MYLK4: variants seen among roughly 807,000 people sequenced by gnomAD.
MYLK4 encodes the protein caMLCK like.
A neutral mutation model predicts 48.1 loss-of-function variants in MYLK4; 46 were observed. The ratio of observed to expected loss-of-function variants is 0.96; its 90% confidence interval spans 0.75 to 1.22. MYLK4 has a LOEUF of 1.22. Ranked by LOEUF, MYLK4 falls within the 50% of genes most tolerant of loss-of-function variation. The pLI is 0.00. For synonymous variants in MYLK4, 170 were observed against 180.8 expected (o/e 0.94, Z 0.48); for missense variants, 451 against 486.1 (o/e 0.93, Z 0.68).
At chr6:2,726,305 G>A (rs569780180) in intron 2 of MYLK4, among the ~76,000 whole-genome samples, 2 of 152,356 alleles carry the variant, frequency 1.3e-5, no homozygotes, top group South Asian at 4.1e-4. Context: ...TGTAGTAGGT[G>A]AGAGGAGAGA....
intron 2 of MYLK4, among the ~76,000 whole-genome samples, chr6:2,709,107 T>C (rs1313237880): frequency 6.6e-6 from 1 of 152,216 alleles, no homozygotes; most frequent in African/African-American, 2.4e-5. Context: ...TCTCATCTAC[T>C]GTCTACTAGT....
At chr6:2,681,399 AG>A (rs1761294769) in intron 7 of MYLK4, among the ~76,000 whole-genome samples, 1 of 152,202 alleles carries the variant, frequency 6.6e-6, no homozygotes, top group Admixed American at 6.5e-5. Context: ...TGTGAGTAAA[AG>A]TCATTATAGA....
rs566422105 is a variant in MYLK4, at chr6:2,739,058, G to A, written c.159+10078C>T. Among the ~76,000 whole-genome samples the A allele has an allele frequency of 1.4e-4, 21 of 152,304 alleles. No individual in the cohort carries two copies. The South Asian group carries it at 3.1e-3, about 23-fold the overall frequency. ...CACCTGTTTCATATGTTGGGCAAGC[G>A]AATGCATTCAAAGATCAGATGGTAT... On this transcript the variant is annotated intron_variant, in intron 2 of 12. Coordinates refer to ENST00000274643, the MANE Select transcript of MYLK4 (RefSeq NM_001012418.5).
rs1174512148 is a variant in MYLK4 at position 2,686,901 on chromosome 6, C to T, written c.342-1325G>A. ...GTTTCTCCCCTTCACTAGCAATGGC[C>T]GCAGAACCTCCTGAGCCAGCAGTGG... On this transcript the variant is annotated intron_variant, in intron 4 of 12. Transcript: ENST00000274643. 5.3e-5 allele frequency among the ~76,000 whole-genome samples: 8 copies of T among 152,282 alleles called. 1 individual carries two copies. The highest frequency in any genetic ancestry group is 3.9e-4 in the East Asian group (2 of 5,188).
chr6:2,682,459 G>T (rs1182674466), intron 7 of MYLK4, among the ~76,000 whole-genome samples: 1 of 152,172 alleles, frequency 6.6e-6, no homozygotes, highest in African/African-American at 2.4e-5. Context: ...ACCATTGGCA[G>T]TGGGGTGCCC....
intron 2 of MYLK4, among the ~76,000 whole-genome samples, chr6:2,719,714 T>C (rs965489895): frequency 6.6e-6 from 1 of 152,126 alleles, no homozygotes; most frequent in Non-Finnish European, 1.5e-5. Flanking sequence ...AGTATGAAAT[T>C]TATTTAAAAA....
chr6:2,761,074 G>T, the MYLK4 span, among the ~76,000 whole-genome samples: 2 of 152,126 alleles, frequency 1.3e-5, no homozygotes, highest in Non-Finnish European at 2.9e-5. Context: ...ATGCCCAAAG[G>T]TTCACTAGTA....
At chr6:2,757,223 C>A in the MYLK4 span, among the ~76,000 whole-genome samples, 2 of 151,212 alleles carry the variant, frequency 1.3e-5, no homozygotes, top group East Asian at 1.9e-4. Context: ...CATAATAGGT[C>A]GCGAGCTTTT....
rs553512861 is a variant in MYLK4 at position 2,673,225 on chromosome 6, G to A, written c.1119+1822C>T. ...CAATAAGCTTGGATAAAAATACATCGGTGGAAAATTGGCTCAAAATAGGTT... is the reference window on the plus strand; with the variant it reads ...CAATAAGCTTGGATAAAAATACATCAGTGGAAAATTGGCTCAAAATAGGTT... On this transcript the variant is annotated intron_variant, in intron 11 of 12. Transcript: ENST00000274643. The surrounding 1 kb of genome is among the most constrained non-coding windows in gnomAD (Gnocchi z 4.2). 6.6e-5 allele frequency among the ~76,000 whole-genome samples: 10 copies of A among 152,234 alleles called. No homozygotes were observed. Among genetic ancestry groups the A allele is most frequent in the African/African-American group, 1.7e-4 (7 of 41,530 alleles).
chr6:2,686,017 G>A (rs1189692473), intron 4 of MYLK4, among the ~76,000 whole-genome samples: 1 of 148,990 alleles, frequency 6.7e-6, no homozygotes, highest in Non-Finnish European at 1.5e-5. Context: ...GCAGTGGGCC[G>A]AGATCGCGCC....
intron 3 of MYLK4, among the ~76,000 whole-genome samples, chr6:2,690,821 A>ATTTT (rs1561842811): frequency 3.1e-5 from 4 of 127,810 alleles, no homozygotes; most frequent in African/African-American, 1.3e-4. Flanking sequence ...ATCTCTCTGA[A>ATTTT]TCTTTTTTTT....
chr6:2,754,410 A>C (rs890074872), upstream of MYLK4, among the ~76,000 whole-genome samples: 14 of 152,218 alleles, frequency 9.2e-5, no homozygotes, highest in African/African-American at 3.4e-4. Flanking sequence ...GCTAATTGAA[A>C]AAAAAAAGCC....
At chr6:2,702,152 C>T (rs1253891669) in intron 2 of MYLK4, among the ~76,000 whole-genome samples, 1 of 152,158 alleles carries the variant, frequency 6.6e-6, no homozygotes, top group Non-Finnish European at 1.5e-5. Context: ...CGCTGGAGCT[C>T]AGGGAAGAGC....
chr6:2,706,213 T>C (rs1477484749), intron 2 of MYLK4, among the ~76,000 whole-genome samples: 1 of 152,108 alleles, frequency 6.6e-6, no homozygotes, highest in Non-Finnish European at 1.5e-5. Flanking sequence ...TATTGTATAC[T>C]GTTTTCTGTG....
intron 2 of MYLK4, among the ~76,000 whole-genome samples, chr6:2,720,297 G>T (rs981471602): frequency 5.9e-5 from 9 of 152,134 alleles, no homozygotes; most frequent in African/African-American, 2.2e-4. Context: ...CCAGCTACTC[G>T]GGAGGCTGAG....
At chr6:2,725,585 G>GAAAGAAAA (rs59504068) in intron 2 of MYLK4, among the ~76,000 whole-genome samples, 1 of 101,772 alleles carries the variant, frequency 9.8e-6, no homozygotes, top group African/African-American at 3.4e-5. Flanking sequence ...GAAAAAGAAA[G>GAAAGAAAA]AGAAAGAAAG....
chr6:2,760,143 CA>C, the MYLK4 span, among the ~76,000 whole-genome samples: 1 of 151,692 alleles, frequency 6.6e-6, no homozygotes, highest in Middle Eastern at 3.4e-3. Context: ...GCATAGGTTA[CA>C]AAAAATAATA....
intron 2 of MYLK4, among the ~76,000 whole-genome samples, chr6:2,732,384 T>C (rs1354154193): frequency 1.3e-5 from 2 of 152,160 alleles, no homozygotes; most frequent in East Asian, 3.9e-4. Context: ...CAACAGCTCA[T>C]CGTGATGGGC....
chr6:2,697,768 G>A lies in MYLK4; in HGVS notation c.160-4909C>T, dbSNP rs151063317. On this transcript the variant is annotated intron_variant, in intron 2 of 12. Transcript: ENST00000274643. Reference sequence around the variant, plus strand: ...CTCAACAATGCCACCATCGTTTTCCGTGTTACTGCAGCGTTCTCAATGTGT... The same window carrying A: ...CTCAACAATGCCACCATCGTTTTCCATGTTACTGCAGCGTTCTCAATGTGT... Among the ~76,000 whole-genome samples, 501 of 152,314 alleles carry A rather than the reference G, an allele frequency of 3.3e-3. 4 individuals carry two copies. Among genetic ancestry groups the A allele is most frequent in the African/African-American group, 0.012 (484 of 41,560 alleles).
Sources: gnomAD v4.1 joint callset for allele counts (sites outside exome capture counted in the v4.1 genomes callset) on GRCh38, gnomAD v4.1.1 for gene constraint, Gnocchi (gnomAD v3.1) non-coding constraint, MANE v1.5 for transcripts, NCBI Gene and HGNC (gene_info 2026-07-23, HGNC 2026-07-21) for gene names.